The following SLC25A28 variants were observed in gnomAD, a reference collection of about 807,000 sequenced individuals.
SLC25A28 encodes mitoferrin-2.
SLC25A28 carries 10 observed loss-of-function variants against 31.9 expected under a neutral mutation model. The ratio of observed to expected loss-of-function variants is 0.31; its 90% CI spans 0.19 to 0.53. The LOEUF (loss-of-function observed/expected upper bound fraction) is 0.53, where lower values mean the gene tolerates loss of function less well. SLC25A28 is among the 20% of genes least tolerant of loss of function. SLC25A28 has a pLI of 0.95. For missense variants in SLC25A28, 256 were observed against 490.3 expected (o/e 0.52, Z 4.51); for synonymous variants, 208 against 203.6 (o/e 1.02, Z -0.19).
At chr10:99,631,922 C>A in the SLC25A28 span, among the ~76,000 whole-genome samples, 1 of 110,640 alleles carries the variant, frequency 9.0e-6, no homozygotes, top group Non-Finnish European at 1.7e-5. Flanking sequence ...CGGAGTCTCG[C>A]TCTGTCGCCC....
chr10:99,650,482 G>T, the SLC25A28 span, among the ~76,000 whole-genome samples: 1 of 151,896 alleles, frequency 6.6e-6, no homozygotes, highest in African/African-American at 2.4e-5. Context: ...TGGGCAGCAG[G>T]TGCAGCTGCA....
the SLC25A28 span, among the ~76,000 whole-genome samples, chr10:99,628,002 T>A: frequency 6.6e-6 from 1 of 152,180 alleles, no homozygotes; most frequent in Non-Finnish European, 1.5e-5. Flanking sequence ...TTTATTTACA[T>A]CACCGATACC....
At chr10:99,617,135 G>A in intron 1 of SLC25A28, 1 of 985,384 alleles carries the variant, frequency 1.0e-6, no homozygotes, top group Middle Eastern at 5.2e-4. Context: ...TGATAGGTGG[G>A]TACTTCGCCA....
At chr10:99,637,473 T>A in the SLC25A28 span, among the ~76,000 whole-genome samples, 1 of 152,106 alleles carries the variant, frequency 6.6e-6, no homozygotes, top group Non-Finnish European at 1.5e-5. Flanking sequence ...GACATTCAAA[T>A]AGGTAAAGAG....
chr10:99,625,659 T>G, the SLC25A28 span, among the ~76,000 whole-genome samples: 1 of 152,232 alleles, frequency 6.6e-6, no homozygotes, highest in African/African-American at 2.4e-5. Context: ...CATATATTTT[T>G]CCCCAGCTTC....
At chr10:99,621,985 G>A (rs1248621321), upstream of SLC25A28, 4 of 152,106 alleles carry the variant, frequency 2.6e-5, no homozygotes, top group Non-Finnish European at 5.9e-5. Flanking sequence ...CAGAGTCCCT[G>A]AAGGTGCCAT....
the SLC25A28 span, among the ~76,000 whole-genome samples, chr10:99,631,878 A>ATTTTTTTTTTTTTTTTTTTTTTTTT: frequency 2.2e-5 from 2 of 92,904 alleles, 1 homozygote; most frequent in Non-Finnish European, 4.0e-5. Context: ...TCAGTATGTT[A>ATTTTTTTTTTTTTTTTTTTTTTTTT]TTTTTTTTTT....
chr10:99,639,464 C>T, the SLC25A28 span, among the ~76,000 whole-genome samples: 1 of 152,042 alleles, frequency 6.6e-6, no homozygotes, highest in South Asian at 2.1e-4. Context: ...ACCACCTGTA[C>T]CCCAATAACC....
intron 1 of SLC25A28, 26 bp downstream of exon 1, chr10:99,620,019 G>C (rs199687661): frequency 5.8e-6 from 9 of 1,555,504 alleles, no homozygotes; most frequent in Non-Finnish European, 6.1e-6. Context: ...CCCCAGGTCG[G>C]GTTCGAAGCC....
At chr10:99,628,778 G>A in the SLC25A28 span, among the ~76,000 whole-genome samples, 3 of 152,294 alleles carry the variant, frequency 2.0e-5, no homozygotes, top group East Asian at 3.9e-4. Context: ...CTGAGATCAC[G>A]CCATTGCACT....
chr10:99,655,188 C>T, the SLC25A28 span, among the ~76,000 whole-genome samples: 13 of 151,984 alleles, frequency 8.6e-5, no homozygotes, highest in South Asian at 4.2e-4. Flanking sequence ...TGGCGGTGTG[C>T]GCCTGTAATC....
At chr10:99,618,577 A>G (rs2034709247) in intron 1 of SLC25A28, 1 of 985,334 alleles carries the variant, frequency 1.0e-6, no homozygotes, top group African/African-American at 1.7e-5. Flanking sequence ...TTACATTTCA[A>G]TGTTGTTACT....
chr10:99,653,980 T>C, the SLC25A28 span: 12 of 152,192 alleles, frequency 7.9e-5, no homozygotes, highest in African/African-American at 2.9e-4. Context: ...TGGGGGCTTA[T>C]GGAGGAGGTA....
upstream of SLC25A28, chr10:99,620,484 C>T (rs2034766969): frequency 2.8e-5 from 29 of 1,046,724 alleles, no homozygotes; most frequent in Non-Finnish European, 2.9e-5. Context: ...GCCCCCCAAG[C>T]AACCATTGGT....
At chr10:99,617,291 G>C in intron 1 of SLC25A28, 3 of 985,442 alleles carry the variant, frequency 3.0e-6, no homozygotes, top group Non-Finnish European at 3.6e-6. Context: ...GAAATAGCTG[G>C]TTGAATAACC....
upstream of SLC25A28, chr10:99,620,785 C>T (rs544988560): frequency 7.3e-5 from 72 of 985,466 alleles, no homozygotes; most frequent in African/African-American, 1.2e-3. Flanking sequence ...CGTCGGTCCC[C>T]GATTGGCTAC....
chr10:99,623,201 G>A (rs988409375), upstream of SLC25A28, among the ~76,000 whole-genome samples: 2 of 152,202 alleles, frequency 1.3e-5, no homozygotes, highest in African/African-American at 4.8e-5. Flanking sequence ...TGAGAACAAG[G>A]TTGGTGCATG....
At chr10:99,612,369 C>G (rs1345563167) in intron 3 of SLC25A28, among the ~76,000 whole-genome samples, 174 bp downstream of exon 3, 2 of 152,338 alleles carry the variant, frequency 1.3e-5, no homozygotes, top group African/African-American at 4.8e-5. Context: ...CCCAGTGAAT[C>G]TGCTTCCTGT....
At chr10:99,624,183 T>TCTTC (rs1002632221), upstream of SLC25A28, among the ~76,000 whole-genome samples, 1 of 151,634 alleles carries the variant, frequency 6.6e-6, no homozygotes, top group Non-Finnish European at 1.5e-5. Flanking sequence ...TTCCTTTTTT[T>TCTTC]CTTCCTTCCT....
Sources: allele counts gnomAD v4.1 joint callset (sites outside exome capture counted in the v4.1 genomes callset), GRCh38; gene constraint gnomAD v4.1.1; transcripts MANE v1.5; gene names NCBI Gene and HGNC (gene_info 2026-07-23, HGNC 2026-07-21).